The following SSH1 variants were observed in gnomAD, a reference collection of about 807,000 sequenced individuals.
SSH1 encodes slingshot protein phosphatase 1.
SSH1 carries 43 observed loss-of-function variants against 79.7 expected under a neutral mutation model. That is an observed-to-expected ratio of 0.54 (90% CI 0.42 to 0.70). The LOEUF (loss-of-function observed/expected upper bound fraction) is 0.70. SSH1 is among the 30% of genes least tolerant of loss of function. SSH1 has a pLI of 0.00. For synonymous variants in SSH1, 599 were observed against 538.3 expected (o/e 1.11, Z -1.56); for missense variants, 1,206 against 1,358.8 (o/e 0.89, Z 1.77).
At chr12:108,838,110 C>A (rs529207665) in intron 2 of SSH1, among the ~76,000 whole-genome samples, 1 of 152,128 alleles carries the variant, frequency 6.6e-6, no homozygotes, top group African/African-American at 2.4e-5. Context: ...TTTTTTAAAT[C>A]TCCACTTAAT....
rs552476771 is a variant in SSH1, at chr12:108,842,681, T to TGATAAACTCCATTCTGTCTCCCAC, written c.110+9956_110+9957insGTGGGAGACAGAATGGAGTTTATC. Among the ~76,000 whole-genome samples, 648 of 152,322 alleles carry TGATAAACTCCATTCTGTCTCCCAC rather than the reference T, an allele frequency of 4.3e-3. 3 individuals carry two copies. The highest frequency in any genetic ancestry group is 6.8e-3 in the Middle Eastern group (2 of 294). On this transcript the variant is annotated intron_variant, in intron 2 of 14. Coordinates refer to ENST00000326495, the MANE Select transcript of SSH1 (RefSeq NM_018984.4). ...AATGGACTGCAAAGCCTGGTTCTTC[T>TGATAAACTCCATTCTGTCTCCCAC]GATAAACTCCATTCTGTCTCCCAGT...
At chr12:108,834,454 T>C (rs1027216114) in intron 2 of SSH1, 17 of 152,284 alleles carry the variant, frequency 1.1e-4, no homozygotes, top group Non-Finnish European at 1.6e-4. Flanking sequence ...TTGCTCAAGG[T>C]CACATACAGT....
chr12:108,823,478 G>A (rs888651069), intron 2 of SSH1, 117 bp from the exon 3 acceptor site: 1 of 793,032 alleles, frequency 1.3e-6, no homozygotes, highest in Non-Finnish European at 2.1e-6. Flanking sequence ...AATGCAAATA[G>A]GATGAAACTG....
intron 2 of SSH1, among the ~76,000 whole-genome samples, chr12:108,851,168 C>T (rs556944013): frequency 6.6e-6 from 1 of 152,274 alleles, no homozygotes; most frequent in African/African-American, 2.4e-5. Flanking sequence ...CAGAAGTCCC[C>T]CAGCGAGGAC....
rs745383652 is a variant in SSH1, at chr12:108,788,194, G to C, written c.2944C>G (p.Leu982Val). ...PLKRSHSLAK[L>V]GSLTFSTEDL... ...TCCGTTGAGAAGGTGAGACTCCCCA[G>C]CTTGGCAAGAGAGTGTGAGCGCTTC... The change falls in exon 15 of 15, where the codon CTG (leucine) becomes GTG (valine). Residue 982 changes from leucine to valine, a missense_variant. Leu to Val is a conservative substitution (Grantham distance 32). Around this residue, in one of 5 missense-constraint regions of SSH1, gnomAD observed 709 missense variants for 730.6 expected, o/e 0.97. Transcript: ENST00000326495. The C allele has an allele frequency of 1.2e-6, 2 of 1,614,074 alleles. No individual in the cohort carries two copies. The highest frequency in any genetic ancestry group is 3.3e-5 in the Admixed American group (2 of 60,014).
Position 108,841,909 on chromosome 12 carries a change from C to T in SSH1, c.110+10729G>A, listed in dbSNP as rs898228696. ...CTGGAATCCCAGCACTTTGGGAGGC[C>T]GATGTGGGCAGATCACTTGAGTCCA... On this transcript the variant is annotated intron_variant, in intron 2 of 14. Transcript: ENST00000326495. 4.6e-5 allele frequency among the ~76,000 whole-genome samples: 7 copies of T among 151,828 alleles called. No individual in the cohort carries two copies. The East Asian group carries it at 1.4e-3, about 29-fold the overall frequency.
At chr12:108,822,478 T>C (rs903474586) in intron 3 of SSH1, among the ~76,000 whole-genome samples, 1 of 138,462 alleles carries the variant, frequency 7.2e-6, no homozygotes, top group Admixed American at 7.2e-5. Flanking sequence ...ACAGAGTCTC[T>C]CTCTGTCACC....
At position 108,831,269 on chromosome 12, in the gene SSH1, G is replaced by A. The variant is rs576727617; in HGVS notation, c.111-7908C>T. Among the ~76,000 whole-genome samples, 9 of 152,312 alleles carry A rather than the reference G, an allele frequency of 5.9e-5. No homozygotes were observed. The South Asian group carries it at 1.4e-3, about 25-fold the overall frequency. On this transcript the variant is annotated intron_variant, in intron 2 of 14. Coordinates refer to ENST00000326495, the MANE Select transcript of SSH1 (RefSeq NM_018984.4). ...CTGCATGGTGATTACTGAGGGGACTGTCAATTGTCCAGCGAACTTGATGGT... is the reference window on the plus strand; with the variant it reads ...CTGCATGGTGATTACTGAGGGGACTATCAATTGTCCAGCGAACTTGATGGT...
chr12:108,848,907 G>A (rs1268445520), intron 2 of SSH1, among the ~76,000 whole-genome samples: 1 of 152,110 alleles, frequency 6.6e-6, no homozygotes, highest in Non-Finnish European at 1.5e-5. Context: ...CATCCCAGGA[G>A]GCACCTGCCA....
At chr12:108,848,071 GGGT>G (rs1426236325) in intron 2 of SSH1, among the ~76,000 whole-genome samples, 12 of 152,200 alleles carry the variant, frequency 7.9e-5, no homozygotes, top group African/African-American at 2.9e-4. Flanking sequence ...CGAGAGGGGA[GGGT>G]GGAAAGGCCA....
chr12:108,788,423 C>T lies in SSH1; in HGVS notation c.2715G>A (p.Leu905=). ...LKSPPPFFYR[L]DHTSSFSKDF... ...CTTTTGAGAAACTACTGGTGTGGTC[C>T]AGGCGGTAGAAGAAAGGAGGGGGGC... Residue 905 remains leucine (L), a synonymous_variant, in exon 15 of 15, where the codon CTG becomes CTA. Transcript: ENST00000326495. 6.3e-7 allele frequency: 1 copy of T among 1,594,398 alleles called. No homozygotes were observed. The highest frequency in any genetic ancestry group is 1.1e-5 in the South Asian group (1 of 87,752).
intron 5 of SSH1, among the ~76,000 whole-genome samples, chr12:108,816,214 T>C (rs1048067148): frequency 6.6e-6 from 1 of 152,236 alleles, no homozygotes; most frequent in Non-Finnish European, 1.5e-5. Flanking sequence ...TATCTGGTTG[T>C]GACTGTCTTC....
At chr12:108,794,389 G>A (rs374325867) in intron 13 of SSH1, among the ~76,000 whole-genome samples, 2 of 152,302 alleles carry the variant, frequency 1.3e-5, no homozygotes, top group East Asian at 1.9e-4. Flanking sequence ...CTGAGTGAGG[G>A]GCCGCGGTGT....
intron 2 of SSH1, among the ~76,000 whole-genome samples, chr12:108,836,250 T>C (rs1400961885): frequency 7.2e-5 from 11 of 151,988 alleles, no homozygotes; most frequent in Admixed American, 3.3e-4. Flanking sequence ...TTGAAATAAA[T>C]ATAGATGCAC....
At chr12:108,798,894 T>C in intron 13 of SSH1, 106 bp downstream of exon 13, 5 of 1,357,026 alleles carry the variant, frequency 3.7e-6, no homozygotes, top group Non-Finnish European at 5.2e-6. Context: ...AAGCGGCTGC[T>C]GGGCCGAATG....
At chr12:108,806,603 G>A (rs2037288978) in intron 8 of SSH1, among the ~76,000 whole-genome samples, 1 of 152,186 alleles carries the variant, frequency 6.6e-6, no homozygotes, top group African/African-American at 2.4e-5. Flanking sequence ...ACAGAGCAGG[G>A]AGCAGGTCAA....
chr12:108,814,716 C>T (rs2037802663), intron 5 of SSH1, among the ~76,000 whole-genome samples: 1 of 152,186 alleles, frequency 6.6e-6, no homozygotes, highest in Non-Finnish European at 1.5e-5. Context: ...GGCCGTGGCT[C>T]CTGCTCAGAG....
At chr12:108,829,257 G>T (rs2038414194) in intron 2 of SSH1, among the ~76,000 whole-genome samples, 3 of 152,162 alleles carry the variant, frequency 2.0e-5, no homozygotes, top group African/African-American at 7.2e-5. Context: ...AACCCAGGAG[G>T]CGGAGGTTGC....
intron 3 of SSH1, among the ~76,000 whole-genome samples, chr12:108,821,513 C>T (rs1314368633): frequency 6.6e-6 from 1 of 152,014 alleles, no homozygotes; most frequent in Non-Finnish European, 1.5e-5. Flanking sequence ...ACAGCACCTA[C>T]TACAGGTAGG....
Sources: allele counts gnomAD v4.1 joint callset (sites outside exome capture counted in the v4.1 genomes callset), GRCh38; gene constraint gnomAD v4.1.1; regional missense constraint gnomAD v4.1.1; transcripts MANE v1.5; gene names NCBI Gene and HGNC (gene_info 2026-07-23, HGNC 2026-07-21).